The following HS6ST3 variants were observed in gnomAD, a reference collection of about 807,000 sequenced individuals.
HS6ST3 encodes heparan-sulfate 6-O-sulfotransferase 3.
Under a neutral mutation model 36.7 loss-of-function variants are expected in HS6ST3, and 12 were observed. The observed-to-expected ratio is 0.33, with a 90% CI of 0.21 to 0.53. The LOEUF is 0.53. Ranked by LOEUF, HS6ST3 falls within the 20% of genes least tolerant of loss-of-function variation. The probability of loss-of-function intolerance (pLI) is 0.95; values close to 1 mark genes in which losing one functional copy is unlikely to be tolerated. For missense variants in HS6ST3, 584 were observed against 640.9 expected, an observed-to-expected ratio of 0.91 and a Z score of 0.96; for synonymous variants, 240 against 257.5, an observed-to-expected ratio of 0.93 and a Z score of 0.65.
intron 1 of HS6ST3, among the ~76,000 whole-genome samples, chr13:96,411,704 ATTAG>A (rs1341506613): frequency 6.6e-6 from 1 of 152,218 alleles, no homozygotes. Context: ...AGGCAGGGCA[ATTAG>A]TTAGGTATTG....
intron 1 of HS6ST3, among the ~76,000 whole-genome samples, chr13:96,393,201 C>T (rs2055404764): frequency 6.6e-6 from 1 of 152,122 alleles, no homozygotes; most frequent in Non-Finnish European, 1.5e-5. Flanking sequence ...CATTAAACCT[C>T]TTTTTCTTCA....
intron 1 of HS6ST3, among the ~76,000 whole-genome samples, chr13:96,336,353 T>C (rs1008368077): frequency 2.6e-4 from 39 of 152,204 alleles, no homozygotes; most frequent in Non-Finnish European, 1.3e-4. Flanking sequence ...TACTGACTTA[T>C]TGGTTGTCAT....
intron 1 of HS6ST3, among the ~76,000 whole-genome samples, chr13:96,751,838 A>G (rs1876709293): frequency 1.3e-5 from 2 of 150,832 alleles, no homozygotes; most frequent in Non-Finnish European, 2.9e-5. Flanking sequence ...ACACACATAT[A>G]GTATATTTAT....
intron 1 of HS6ST3, among the ~76,000 whole-genome samples, chr13:96,226,390 C>T (rs1431937529): frequency 1.3e-5 from 2 of 152,116 alleles, no homozygotes; most frequent in East Asian, 1.9e-4. Flanking sequence ...CATGGTGGCT[C>T]ATTCCTGTAA....
intron 1 of HS6ST3, among the ~76,000 whole-genome samples, chr13:96,234,099 T>C (rs1163525461): frequency 6.8e-6 from 1 of 147,372 alleles, no homozygotes; most frequent in Admixed American, 6.8e-5. Flanking sequence ...TTTTCATCTG[T>C]TAAAAAAAAA....
At position 96,453,272 on chromosome 13, in the gene HS6ST3, A is replaced by G. The variant is rs541722293; in HGVS notation, c.707+361703A>G. On this transcript the variant is annotated intron_variant, in intron 1 of 1. Coordinates refer to ENST00000376705, the MANE Select transcript of HS6ST3 (RefSeq NM_153456.4). ...GTGCTGTGGTAAAGTCTGGGCTTTT[A>G]TAGTAACCACATCCAAATAGGGTAA... Among the ~76,000 whole-genome samples the G allele has an allele frequency of 2.0e-5, 3 of 152,022 alleles. No individual in the cohort carries two copies. In the South Asian group the frequency reaches 6.2e-4, roughly 32 times the overall value.
intron 1 of HS6ST3, among the ~76,000 whole-genome samples, chr13:96,719,331 A>T (rs1043451954): frequency 9.9e-5 from 15 of 151,616 alleles, no homozygotes; most frequent in Admixed American, 9.9e-4. Context: ...AAACTGTGAG[A>T]CCAGTGTTTA....
chr13:96,633,098 C>T (rs553569351), intron 1 of HS6ST3, among the ~76,000 whole-genome samples: 334 of 152,278 alleles, frequency 2.2e-3, no homozygotes, highest in Non-Finnish European at 4.0e-3. Context: ...GTGCCTCACC[C>T]CTGCAGTGAG....
intron 1 of HS6ST3, among the ~76,000 whole-genome samples, chr13:96,144,459 A>T (rs1167377868): frequency 1.3e-5 from 2 of 152,050 alleles, no homozygotes; most frequent in African/African-American, 4.8e-5. Context: ...TTCCATCAGA[A>T]TTAGGAGATA....
At chr13:96,706,681 G>C (rs574092792) in intron 1 of HS6ST3, among the ~76,000 whole-genome samples, 2 of 151,816 alleles carry the variant, frequency 1.3e-5, no homozygotes, top group Non-Finnish European at 2.9e-5. Context: ...ACAATCCATC[G>C]TCCCCTGCTT....
At chr13:96,118,095 C>T (rs1425652855) in intron 1 of HS6ST3, among the ~76,000 whole-genome samples, 2 of 152,068 alleles carry the variant, frequency 1.3e-5, no homozygotes, top group African/African-American at 2.4e-5. Flanking sequence ...TGGTCTCAAA[C>T]TCCTGACCTC....
At chr13:96,763,713 A>G (rs1877026651) in intron 1 of HS6ST3, among the ~76,000 whole-genome samples, 2 of 152,154 alleles carry the variant, frequency 1.3e-5, no homozygotes, top group South Asian at 2.1e-4. Flanking sequence ...ATAAATTGTA[A>G]TGGTGCCTAC....
At chr13:96,306,478 TG>T (rs1484061324) in intron 1 of HS6ST3, among the ~76,000 whole-genome samples, 5 of 152,192 alleles carry the variant, frequency 3.3e-5, no homozygotes, top group Non-Finnish European at 2.9e-5. Flanking sequence ...CCCAAAGTGC[TG>T]GGATTACAGG....
intron 1 of HS6ST3, among the ~76,000 whole-genome samples, chr13:96,500,315 GTTTA>G (rs1276238325): frequency 1.2e-4 from 18 of 152,062 alleles, no homozygotes; most frequent in Non-Finnish European, 2.6e-4. Context: ...ACCATAATTT[GTTTA>G]TTCATTCATC....
At chr13:96,206,050 A>G (rs2054368704) in intron 1 of HS6ST3, among the ~76,000 whole-genome samples, 2 of 152,172 alleles carry the variant, frequency 1.3e-5, no homozygotes, top group African/African-American at 4.8e-5. Flanking sequence ...ACATGATCTT[A>G]TATCTAGAAA....
chr13:96,500,684 G>A (rs1438104457), intron 1 of HS6ST3, among the ~76,000 whole-genome samples: 2 of 152,060 alleles, frequency 1.3e-5, no homozygotes, highest in Non-Finnish European at 2.9e-5. Context: ...ACAACATATC[G>A]ACAAGTCTGC....
intron 1 of HS6ST3, among the ~76,000 whole-genome samples, chr13:96,509,344 CT>C (rs1399994007): frequency 6.6e-6 from 1 of 151,842 alleles, no homozygotes; most frequent in Non-Finnish European, 1.5e-5. Context: ...ATGGAAGTTT[CT>C]TAGTTTAATT....
At chr13:96,480,499 TAG>T (rs944086206) in intron 1 of HS6ST3, among the ~76,000 whole-genome samples, 53 of 152,026 alleles carry the variant, frequency 3.5e-4, no homozygotes, top group African/African-American at 1.3e-3. Context: ...GAGAAGGGAG[TAG>T]AGTTTGTGTG....
chr13:96,474,271 G>A (rs759937296), intron 1 of HS6ST3, among the ~76,000 whole-genome samples: 2 of 152,134 alleles, frequency 1.3e-5, no homozygotes, highest in African/African-American at 4.8e-5. Flanking sequence ...TGATGGCAAC[G>A]TGTCAGATTT....
Sources: gnomAD v4.1 joint callset for allele counts (sites outside exome capture counted in the v4.1 genomes callset) on GRCh38, gnomAD v4.1.1 for gene constraint, MANE v1.5 for transcripts, NCBI Gene and HGNC (gene_info 2026-07-23, HGNC 2026-07-21) for gene names.